The following AGAP1 variants were observed in gnomAD, a reference collection of about 807,000 sequenced individuals.
AGAP1 encodes arf-GAP with GTPase, ANK repeat and PH domain-containing protein 1.
In AGAP1, 29 loss-of-function variants were observed where a neutral mutation model predicts 105.3. The observed-to-expected ratio is 0.28, with a 90% CI of 0.21 to 0.38. The LOEUF is 0.38. Among genes scored for constraint, AGAP1 ranks in the 10% least tolerant of loss-of-function variants. AGAP1 has a pLI of 1.00. For missense variants in AGAP1, 998 were observed against 1,165.1 expected (o/e 0.86, Z 2.09); for synonymous variants, 509 against 485.9 (o/e 1.05, Z -0.63).
In AGAP1 at chr2:235,574,455, C is replaced by T. The variant is rs1269229816; in HGVS notation, c.163+79606C>T. On this transcript the variant is annotated intron_variant, in intron 1 of 17. Coordinates refer to ENST00000304032, the MANE Select transcript of AGAP1 (RefSeq NM_001037131.3). This position sits in a 1 kb window ranked among gnomAD's most constrained non-coding sequence, Gnocchi z 5.0. Reference sequence around the variant, plus strand: ...ATTATCTGATAAAGTAAATCTCAGCCACTGGGAAGAGCCCTTTTTGGCAGT... The same window carrying T: ...ATTATCTGATAAAGTAAATCTCAGCTACTGGGAAGAGCCCTTTTTGGCAGT... Among the ~76,000 whole-genome samples, 1 of 152,180 alleles carries T rather than the reference C, an allele frequency of 6.6e-6. No homozygotes were observed. Among genetic ancestry groups the T allele is most frequent in the Non-Finnish European group, 1.5e-5 (1 of 68,044 alleles).
chr2:235,636,429 G>T (rs1342436411), intron 1 of AGAP1, among the ~76,000 whole-genome samples: 1 of 152,150 alleles, frequency 6.6e-6, no homozygotes, highest in East Asian at 1.9e-4. Context: ...AAAGCCCTTC[G>T]CTGTGGATGT....
intron 1 of AGAP1, among the ~76,000 whole-genome samples, chr2:235,519,349 A>G (rs994775182): frequency 6.6e-6 from 1 of 152,116 alleles, no homozygotes; most frequent in Non-Finnish European, 1.5e-5. Context: ...CTGGGGTTAC[A>G]GTCATGAGCC....
intron 9 of AGAP1, among the ~76,000 whole-genome samples, chr2:235,808,539 G>A (rs1259539871): frequency 6.6e-6 from 1 of 152,136 alleles, no homozygotes. Flanking sequence ...CCAGAGGAGG[G>A]AGTCCACAGA....
chr2:236,106,453 G>A (rs1000412199), intron 16 of AGAP1, among the ~76,000 whole-genome samples: 2 of 152,236 alleles, frequency 1.3e-5, no homozygotes, highest in African/African-American at 2.4e-5. Context: ...CCGGGCTGTC[G>A]TGTGCGTGAC....
intron 1 of AGAP1, among the ~76,000 whole-genome samples, chr2:235,638,073 G>A (rs1293825735): frequency 1.3e-5 from 2 of 152,282 alleles, no homozygotes; most frequent in South Asian, 2.1e-4. Flanking sequence ...ATATCTTACC[G>A]GCTGTTGGGG....
intron 1 of AGAP1, among the ~76,000 whole-genome samples, chr2:235,630,565 A>G (rs1946795482): frequency 6.6e-6 from 1 of 152,288 alleles, no homozygotes; most frequent in South Asian, 2.1e-4. Context: ...CCTTATTAAC[A>G]CATTAGCATT....
chr2:235,840,856 A>T (rs1960748452), intron 9 of AGAP1, among the ~76,000 whole-genome samples: 1 of 151,504 alleles, frequency 6.6e-6, no homozygotes. Context: ...GACATGAGAG[A>T]GTGTGAGATC....
At chr2:235,656,584 T>G (rs1947780307) in intron 1 of AGAP1, among the ~76,000 whole-genome samples, 1 of 152,094 alleles carries the variant, frequency 6.6e-6, no homozygotes, top group Non-Finnish European at 1.5e-5. Flanking sequence ...ACCGGGTCAC[T>G]CTCTTTAAAT....
At chr2:236,013,680 C>A (rs10206890) in intron 13 of AGAP1, among the ~76,000 whole-genome samples, 64,918 of 151,966 alleles carry the variant, frequency 0.43, 14,276 homozygotes, top group South Asian at 0.52. Context: ...CTGCCTGTGG[C>A]AGTTGAGAGA....
rs1945516142 is a variant in AGAP1 at position 235,596,046 on chromosome 2, GC to G, written c.163+101198del. ...GCTCCTGGAAGTGGTTGTGAAAATC[GC>G]AGCCCTGTGAATTGTGTGCCCTAAG... On this transcript the variant is annotated intron_variant, in intron 1 of 17. Transcript: ENST00000304032. The surrounding 1 kb of genome is among the most constrained non-coding windows in gnomAD (Gnocchi z 5.9). Among the ~76,000 whole-genome samples the G allele has an allele frequency of 6.6e-6, 1 of 152,168 alleles. No individual in the cohort carries two copies. The highest frequency in any genetic ancestry group is 1.5e-5 in the Non-Finnish European group (1 of 68,036).
rs768645780 is a variant in AGAP1, at chr2:235,799,379, G to T, written c.814G>T (p.Gly272Cys). Residue 272 changes from glycine to cysteine, a missense_variant, in exon 8 of 18, where the codon GGT becomes TGT. By Grantham distance (159) the Gly-to-Cys change is radical. Around this residue, in one of 3 missense-constraint regions of AGAP1, gnomAD observed 735 missense variants for 833.4 expected, o/e 0.88. Transcript: ENST00000304032. The surrounding 1 kb of genome is among the most constrained non-coding windows in gnomAD (Gnocchi z 5.0). ...TTAATCATTTCAGACAAGTAATGGA[G>T]GTGGGAGTTTAAGCGACTATTCCTC... ...AVHISQTSNG[G>C]GSLSDYSSSV... The T allele has an allele frequency of 6.2e-7, 1 of 1,614,046 alleles. No homozygotes were observed. The highest frequency in any genetic ancestry group is 1.7e-5 in the Admixed American group (1 of 60,018).
rs759021320 is a variant in AGAP1 at position 235,574,447 on chromosome 2, A to C, written c.163+79598A>C. Among the ~76,000 whole-genome samples, 3 of 152,254 alleles carry C rather than the reference A, an allele frequency of 2.0e-5. No homozygotes were observed. Among genetic ancestry groups the C allele is most frequent in the African/African-American group, 4.8e-5 (2 of 41,460 alleles). On this transcript the variant is annotated intron_variant, in intron 1 of 17. Transcript: ENST00000304032. The surrounding 1 kb of genome is among the most constrained non-coding windows in gnomAD (Gnocchi z 5.0). ...GAAGGTGCATTATCTGATAAAGTAA[A>C]TCTCAGCCACTGGGAAGAGCCCTTT...
chr2:236,011,346 C>T (rs1276080565), intron 13 of AGAP1, among the ~76,000 whole-genome samples: 2 of 152,196 alleles, frequency 1.3e-5, no homozygotes, highest in Non-Finnish European at 2.9e-5. Context: ...AGATCAGTCT[C>T]GTTGTCTACA....
In AGAP1 at chr2:236,101,824, T is replaced by C. The variant is rs2059353652; in HGVS notation, c.2115-18368T>C. 6.6e-6 allele frequency among the ~76,000 whole-genome samples: 1 copy of C among 152,224 alleles called. No individual in the cohort carries two copies. The highest frequency in any genetic ancestry group is 2.1e-4 in the South Asian group (1 of 4,828). The stretch of plus-strand genomic sequence containing the variant: ...CTGGCTCGGGCTCCCTCTCACTGGG[T>C]ACACATTTATCGGGATTTATGCTTT... On this transcript the variant is annotated intron_variant, in intron 16 of 17. Transcript: ENST00000304032. The surrounding 1 kb of genome is among the most constrained non-coding windows in gnomAD (Gnocchi z 4.9).
Position 235,787,668 on chromosome 2 carries a change from G to A in AGAP1, c.674-10091G>A, listed in dbSNP as rs1956734055. ...ACAGTCAGTAAATGGGATGAGTGAG[G>A]GATGCTATAAAGCATAGTAAAGAAA... On this transcript the variant is annotated intron_variant, in intron 6 of 17. Coordinates refer to ENST00000304032, the MANE Select transcript of AGAP1 (RefSeq NM_001037131.3). This position sits in a 1 kb window ranked among gnomAD's most constrained non-coding sequence, Gnocchi z 4.4. Among the ~76,000 whole-genome samples the A allele has an allele frequency of 6.6e-6, 1 of 152,176 alleles. No homozygotes were observed. The highest frequency in any genetic ancestry group is 2.1e-4 in the South Asian group (1 of 4,830).
chr2:236,022,054 CAAAAAAAAAAAAAA>C (rs55810820), intron 13 of AGAP1, among the ~76,000 whole-genome samples: 1 of 89,304 alleles, frequency 1.1e-5, no homozygotes, highest in African/African-American at 4.2e-5. Flanking sequence ...GACCCTGTCT[CAAAAAAAAAAAAAA>C]AAAAAAAAAA....
chr2:236,040,692 T>C lies in AGAP1; in HGVS notation c.1801-59T>C. ...TTTGATCTTTCCCTGATGTTATCAG[T>C]GATGTGCGTTTCTCCCGGGGTGCTT... On this transcript the variant is annotated intron_variant, in intron 14 of 17. Coordinates refer to ENST00000304032, the MANE Select transcript of AGAP1 (RefSeq NM_001037131.3). This position sits in a 1 kb window ranked among gnomAD's most constrained non-coding sequence, Gnocchi z 5.6. 3 of 1,510,548 alleles carry C rather than the reference T, an allele frequency of 2.0e-6. No individual in the cohort carries two copies. The highest frequency in any genetic ancestry group is 2.8e-6 in the Non-Finnish European group (3 of 1,089,760). The allele number at this position is 1,510,548 out of a possible 1,614,324, so 93.6% of individuals were successfully genotyped here.
intron 6 of AGAP1, among the ~76,000 whole-genome samples, chr2:235,762,196 T>C: frequency 6.6e-6 from 1 of 152,070 alleles, no homozygotes; most frequent in South Asian, 2.1e-4. Flanking sequence ...ATCGAGGAGC[T>C]ACCCACAAAC....
At chr2:235,990,444 A>G (rs980725540) in intron 13 of AGAP1, among the ~76,000 whole-genome samples, 1 of 152,212 alleles carries the variant, frequency 6.6e-6, no homozygotes, top group African/African-American at 2.4e-5. Flanking sequence ...AGGACTGGCA[A>G]CATCCCGAAT....
Sources: allele counts gnomAD v4.1 joint callset (sites outside exome capture counted in the v4.1 genomes callset), GRCh38; gene constraint gnomAD v4.1.1; regional missense constraint gnomAD v4.1.1; non-coding constraint Gnocchi (gnomAD v3.1); transcripts MANE v1.5; gene names NCBI Gene and HGNC (gene_info 2026-07-23, HGNC 2026-07-21).